The following TENM3 variants were observed in gnomAD, a reference collection of about 807,000 sequenced individuals.
TENM3 encodes the protein teneurin transmembrane protein 3.
Under a neutral mutation model 255.1 loss-of-function variants are expected in TENM3, and 63 were observed. That is an observed-to-expected ratio of 0.25 (90% CI 0.20 to 0.30). The LOEUF is 0.30. Ranked by LOEUF, TENM3 falls within the 10% of genes least tolerant of loss-of-function variation. The pLI is 1.00. For synonymous variants in TENM3, 1,306 were observed against 1,322.3 expected (o/e 0.99, Z 0.27); for missense variants, 2,929 against 3,461.1 (o/e 0.85, Z 3.86).
intron 3 of TENM3, among the ~76,000 whole-genome samples, chr4:182,518,678 T>A (rs1329355350): frequency 6.6e-6 from 1 of 152,194 alleles, no homozygotes; most frequent in Non-Finnish European, 1.5e-5. Context: ...GAACTGCAGC[T>A]CAGCTGACAC....
the TENM3 span, among the ~76,000 whole-genome samples, chr4:181,819,428 G>A: frequency 6.6e-6 from 1 of 152,180 alleles, no homozygotes; most frequent in Non-Finnish European, 1.5e-5. Context: ...GCAAAGAGGT[G>A]ACAGTTTTTT....
At chr4:181,538,603 C>T in the TENM3 span, among the ~76,000 whole-genome samples, 2 of 152,042 alleles carry the variant, frequency 1.3e-5, no homozygotes, top group African/African-American at 4.8e-5. Context: ...CATAGAACAC[C>T]TATGAGACTA....
chr4:182,511,911 G>C (rs1056081995), intron 3 of TENM3, among the ~76,000 whole-genome samples: 12 of 152,074 alleles, frequency 7.9e-5, no homozygotes, highest in African/African-American at 2.9e-4. Context: ...AATAATCTAA[G>C]AGTTAAGTAT....
At chr4:182,484,575 G>GCC (rs1736917189) in intron 3 of TENM3, among the ~76,000 whole-genome samples, 2 of 152,118 alleles carry the variant, frequency 1.3e-5, no homozygotes, top group South Asian at 4.1e-4. Context: ...ATGATTGTGT[G>GCC]CCTACCTATG....
rs187338496 is a variant in TENM3, at chr4:182,679,864, A to G, written c.1525A>G (p.Thr509Ala). ...AAATGCAGAGCAGGTGTCTTTTAATACCATTGTTATAGGTAAGAATAGTCT... is the reference window on the plus strand; with the variant it reads ...AAATGCAGAGCAGGTGTCTTTTAATGCCATTGTTATAGGTAAGAATAGTCT... ...GKNAEQVSFNTIVIESVVECP... is the reference protein window; with the variant it reads ...GKNAEQVSFNAIVIESVVECP... Residue 509 changes from threonine (T) to alanine (A), a missense_variant, in exon 8 of 28, where the codon ACC becomes GCC. Coordinates refer to ENST00000511685, the MANE Select transcript of TENM3 (RefSeq NM_001080477.4). 2.7e-5 allele frequency: 44 copies of G among 1,609,142 alleles called. No individual in the cohort carries two copies. In the African/African-American group the frequency reaches 4.9e-4, roughly 18 times the overall value.
At chr4:181,605,482 G>GA in the TENM3 span, among the ~76,000 whole-genome samples, 1 of 6,836 alleles carries the variant, frequency 1.5e-4, no homozygotes, top group Non-Finnish European at 3.1e-4. Flanking sequence ...GAGAAACAGA[G>GA]AAAGAAAGAA....
At chr4:182,562,327 G>A (rs1342262891) in intron 3 of TENM3, among the ~76,000 whole-genome samples, 1 of 152,088 alleles carries the variant, frequency 6.6e-6, no homozygotes, top group Non-Finnish European at 1.5e-5. Flanking sequence ...AAGTGTCACG[G>A]GATGGTGAGT....
chr4:182,647,203 G>A (rs1266066177), intron 5 of TENM3, among the ~76,000 whole-genome samples: 3 of 152,166 alleles, frequency 2.0e-5, no homozygotes, highest in Non-Finnish European at 2.9e-5. Flanking sequence ...AGGGTGACAA[G>A]TTATAATAGT....
At chr4:181,929,910 T>C in the TENM3 span, among the ~76,000 whole-genome samples, 562 of 152,252 alleles carry the variant, frequency 3.7e-3, 3 homozygotes, top group Non-Finnish European at 6.5e-3. Flanking sequence ...AACTGAACAA[T>C]CTGCTCCAGA....
At chr4:182,690,247 G>T (rs1376343283) in intron 12 of TENM3, among the ~76,000 whole-genome samples, 1 of 152,192 alleles carries the variant, frequency 6.6e-6, no homozygotes. Flanking sequence ...CAGTCATAGC[G>T]CTTGCACAGG....
intron 3 of TENM3, among the ~76,000 whole-genome samples, chr4:182,359,002 T>G (rs1174067993): frequency 6.6e-6 from 1 of 151,760 alleles, no homozygotes; most frequent in Non-Finnish European, 1.5e-5. Context: ...TTTGGTTCTG[T>G]TTATATGCTG....
At position 182,789,559 on chromosome 4, in the gene TENM3, T is replaced by C. The variant is rs1765943354; in HGVS notation, c.5601+170T>C. Among the ~76,000 whole-genome samples, 1 of 152,256 alleles carries C rather than the reference T, an allele frequency of 6.6e-6. No homozygotes were observed. Among genetic ancestry groups the C allele is most frequent in the Non-Finnish European group, 1.5e-5 (1 of 68,042 alleles). On this transcript the variant is annotated intron_variant, in intron 25 of 27. Transcript: ENST00000511685. The surrounding 1 kb of genome is among the most constrained non-coding windows in gnomAD (Gnocchi z 4.4). ...GCACAGCAGTGATGAATTTCTGCATTAGCAAAGTAGTTTCTCCTTAGTTAA... is the reference window on the plus strand; with the variant it reads ...GCACAGCAGTGATGAATTTCTGCATCAGCAAAGTAGTTTCTCCTTAGTTAA...
chr4:181,983,097 A>G, the TENM3 span, among the ~76,000 whole-genome samples: 2 of 152,178 alleles, frequency 1.3e-5, no homozygotes, highest in Non-Finnish European at 2.9e-5. Context: ...TAAAGAAAAG[A>G]AGAATAGGAA....
the TENM3 span, among the ~76,000 whole-genome samples, chr4:181,467,332 G>A: frequency 1.8e-4 from 27 of 150,048 alleles, no homozygotes; most frequent in African/African-American, 6.2e-4. Flanking sequence ...ACGGGGTTTC[G>A]CCATGTTGCC....
chr4:182,416,471 C>T (rs1437807109), intron 3 of TENM3, among the ~76,000 whole-genome samples: 2 of 148,996 alleles, frequency 1.3e-5, no homozygotes, highest in Non-Finnish European at 3.0e-5. Context: ...TTTAAAAGTT[C>T]TTTGAGTCAA....
the TENM3 span, among the ~76,000 whole-genome samples, chr4:182,050,017 G>A: frequency 0.019 from 2,821 of 151,836 alleles, 83 homozygotes; most frequent in African/African-American, 0.063. Context: ...TTTTGAGGCG[G>A]AGTCTCACTC....
chr4:182,484,874 A>G (rs996894946), intron 3 of TENM3, among the ~76,000 whole-genome samples: 7 of 152,156 alleles, frequency 4.6e-5, no homozygotes. Flanking sequence ...GATAATGCAA[A>G]TATTATCATT....
chr4:181,892,007 A>G, the TENM3 span, among the ~76,000 whole-genome samples: 1 of 152,302 alleles, frequency 6.6e-6, no homozygotes, highest in Admixed American at 6.5e-5. Flanking sequence ...CCATGTGAGG[A>G]CATAGCATTT....
chr4:182,320,779 G>C (rs147300943), intron 1 of TENM3, among the ~76,000 whole-genome samples: 1 of 152,158 alleles, frequency 6.6e-6, no homozygotes, highest in Non-Finnish European at 1.5e-5. Context: ...GTCAACAAAT[G>C]CAAGGGCTGT....
Sources: gnomAD v4.1 joint callset for allele counts (sites outside exome capture counted in the v4.1 genomes callset) on GRCh38, gnomAD v4.1.1 for gene constraint, Gnocchi (gnomAD v3.1) non-coding constraint, MANE v1.5 for transcripts, NCBI Gene and HGNC (gene_info 2026-07-23, HGNC 2026-07-21) for gene names.